Variants in FOXP2 observed in about 807,000 individuals in gnomAD.
FOXP2 encodes the protein forkhead box protein P2.
FOXP2 carries 12 observed loss-of-function variants against 115.8 expected under a neutral mutation model. That is an observed-to-expected ratio of 0.10 (90% CI 0.07 to 0.17). The LOEUF (loss-of-function observed/expected upper bound fraction) is 0.17, where lower values mean the gene tolerates loss of function less well. Among genes scored for constraint, FOXP2 ranks in the 10% least tolerant of loss-of-function variants. The probability of loss-of-function intolerance (pLI) is 1.00; values close to 1 mark genes in which losing one functional copy is unlikely to be tolerated. For missense variants in FOXP2, 629 were observed against 843.5 expected (o/e 0.75, Z 3.15); for synonymous variants, 328 against 297.7 (o/e 1.10, Z -1.05).
chr7:114,621,042 T>G (rs1804223207), intron 3 of FOXP2, among the ~76,000 whole-genome samples: 1 of 152,034 alleles, frequency 6.6e-6, no homozygotes. Context: ...CCATAAGTGT[T>G]TATTAACTAC....
intron 1 of FOXP2, among the ~76,000 whole-genome samples, chr7:114,422,572 G>A (rs1258774625): frequency 1.3e-5 from 2 of 151,578 alleles, no homozygotes; most frequent in Non-Finnish European, 3.0e-5. Context: ...ATACACATGG[G>A]AATGTGGAGT....
At chr7:114,666,264 G>T (rs1807155864) in intron 16 of FOXP2, 1 of 151,584 alleles carries the variant, frequency 6.6e-6, no homozygotes, top group Non-Finnish European at 1.5e-5. Context: ...AATTAAAAGG[G>T]GTGTAAATTG....
intron 3 of FOXP2, among the ~76,000 whole-genome samples, chr7:114,547,793 T>C (rs1018671080): frequency 2.1e-4 from 32 of 152,088 alleles, no homozygotes; most frequent in African/African-American, 6.5e-4. Flanking sequence ...ACAAGTAAGA[T>C]GATGTGAGGG....
At chr7:114,433,364 A>G (rs985421841) in intron 2 of FOXP2, among the ~76,000 whole-genome samples, 1 of 151,960 alleles carries the variant, frequency 6.6e-6, no homozygotes, top group Non-Finnish European at 1.5e-5. Context: ...TTTTACAAAT[A>G]CTTACCTGCC....
At chr7:114,380,435 A>G (rs1035521446) in intron 2 of FOXP2, among the ~76,000 whole-genome samples, 1 of 152,188 alleles carries the variant, frequency 6.6e-6, no homozygotes, top group Non-Finnish European at 1.5e-5. Flanking sequence ...TGACCACTGC[A>G]TACCCCACTT....
At chr7:114,533,541 G>C (rs1799240349) in intron 2 of FOXP2, among the ~76,000 whole-genome samples, 3 of 151,794 alleles carry the variant, frequency 2.0e-5, no homozygotes, top group Admixed American at 2.0e-4. Context: ...CTTTTTATCA[G>C]CTGAAATTCT....
At chr7:114,303,182 C>T (rs920267844) in intron 2 of FOXP2, among the ~76,000 whole-genome samples, 1 of 152,138 alleles carries the variant, frequency 6.6e-6, no homozygotes, top group Non-Finnish European at 1.5e-5. Context: ...CCCCATATCA[C>T]TTATTGTTAA....
At chr7:114,539,980 T>A (rs1351408694) in intron 3 of FOXP2, among the ~76,000 whole-genome samples, 1 of 152,016 alleles carries the variant, frequency 6.6e-6, no homozygotes, top group Non-Finnish European at 1.5e-5. Context: ...CTTTCAAGAT[T>A]GCTGTGAAGA....
intron 2 of FOXP2, among the ~76,000 whole-genome samples, chr7:114,367,022 T>G (rs1257904263): frequency 6.6e-6 from 1 of 152,154 alleles, no homozygotes; most frequent in Non-Finnish European, 1.5e-5. Flanking sequence ...TCTCCTTCAA[T>G]ATGTAGAGCA....
chr7:114,093,671 A>G (rs1799586583), intron 1 of FOXP2, among the ~76,000 whole-genome samples: 1 of 151,572 alleles, frequency 6.6e-6, no homozygotes, highest in African/African-American at 2.4e-5. Flanking sequence ...ATCATATCAC[A>G]TTGGGAAACA....
intron 2 of FOXP2, among the ~76,000 whole-genome samples, chr7:114,492,584 T>A (rs1383682895): frequency 6.6e-6 from 1 of 152,182 alleles, no homozygotes; most frequent in Non-Finnish European, 1.5e-5. Flanking sequence ...CTGCTTTGAA[T>A]GTGTCCCAGA....
At chr7:114,528,923 A>T (rs1799007643) in intron 2 of FOXP2, among the ~76,000 whole-genome samples, 1 of 152,004 alleles carries the variant, frequency 6.6e-6, no homozygotes, top group Non-Finnish European at 1.5e-5. Context: ...TCCCATGATA[A>T]ACAGAAGTTG....
intron 1 of FOXP2, among the ~76,000 whole-genome samples, chr7:114,112,338 C>T (rs1791292099): frequency 6.6e-6 from 1 of 151,876 alleles, no homozygotes; most frequent in African/African-American, 2.4e-5. Context: ...ACTCTGTGGC[C>T]CAGGCTAGAG....
intron 1 of FOXP2, among the ~76,000 whole-genome samples, chr7:114,092,509 C>T (rs1169285837): frequency 1.3e-5 from 2 of 151,360 alleles, no homozygotes; most frequent in Non-Finnish European, 2.9e-5. Flanking sequence ...CATCATTTTG[C>T]AACTTTTTCT....
At chr7:114,244,629 CCTATTT>C (rs1484685411) in intron 1 of FOXP2, among the ~76,000 whole-genome samples, 2 of 151,970 alleles carry the variant, frequency 1.3e-5, no homozygotes, top group African/African-American at 4.8e-5. Context: ...TATCTTTATA[CCTATTT>C]CTATTTATCA....
intron 1 of FOXP2, among the ~76,000 whole-genome samples, chr7:114,203,144 G>A (rs958902584): frequency 1.3e-5 from 2 of 152,134 alleles, no homozygotes; most frequent in African/African-American, 2.4e-5. Flanking sequence ...GTGTGGTCAT[G>A]GAAGTTTTCT....
intron 3 of FOXP2, among the ~76,000 whole-genome samples, chr7:114,622,489 T>C (rs1416076182): frequency 6.6e-6 from 1 of 151,884 alleles, no homozygotes; most frequent in Non-Finnish European, 1.5e-5. Flanking sequence ...CAGAAAACCA[T>C]GCAGCTAAAT....
At chr7:114,125,106 T>C (rs888207101) in intron 1 of FOXP2, among the ~76,000 whole-genome samples, 1 of 152,102 alleles carries the variant, frequency 6.6e-6, no homozygotes, top group South Asian at 2.1e-4. Flanking sequence ...TTGGCTAGTT[T>C]GTGAATTTGT....
intron 2 of FOXP2, among the ~76,000 whole-genome samples, chr7:114,334,244 T>G (rs1198130891): frequency 6.6e-6 from 1 of 152,126 alleles, no homozygotes; most frequent in Non-Finnish European, 1.5e-5. Flanking sequence ...CATTGCATGC[T>G]GTATTCCTGG....
Sources: gnomAD v4.1 joint callset for allele counts (sites outside exome capture counted in the v4.1 genomes callset) on GRCh38, gnomAD v4.1.1 for gene constraint, MANE v1.5 for transcripts, NCBI Gene and HGNC (gene_info 2026-07-23, HGNC 2026-07-21) for gene names.